The following PRPSAP2 variants were observed in gnomAD, a reference collection of about 807,000 sequenced individuals.
PRPSAP2 encodes phosphoribosyl pyrophosphate synthase-associated protein 2.
PRPSAP2 carries 24 observed loss-of-function variants against 40.6 expected under a neutral mutation model. The ratio of observed to expected loss-of-function variants is 0.59; its 90% CI spans 0.43 to 0.83. The LOEUF (loss-of-function observed/expected upper bound fraction) is 0.83, where lower values mean the gene tolerates loss of function less well. Ranked by LOEUF, PRPSAP2 falls within the 40% of genes least tolerant of loss-of-function variation. The pLI, the probability that PRPSAP2 is intolerant of heterozygous loss-of-function variation, is 0.00. For missense variants in PRPSAP2, 292 were observed against 465.6 expected, an observed-to-expected ratio of 0.63 and a Z score of 3.43; for synonymous variants, 149 against 164.7, an observed-to-expected ratio of 0.90 and a Z score of 0.73.
At chr17:18,908,562 G>T in intron 8 of PRPSAP2, 4 of 742,608 alleles carry the variant, frequency 5.4e-6, no homozygotes, top group Non-Finnish European at 1.0e-5. Flanking sequence ...CTGAAGATCT[G>T]TGCTAACCAC....
In PRPSAP2 at chr17:18,882,627, A is replaced by G. The variant is rs1555551384; in HGVS notation, c.472A>G (p.Ile158Val). The change falls in exon 7 of 12, where the codon ATT (isoleucine) becomes GTT (valine). Residue 158 changes from isoleucine (I) to valine (V), a missense_variant. By Grantham distance (29) the Ile-to-Val change is conservative. Transcript: ENST00000268835. ...GAAGGAAATTCAGGGCTTCTTCAAT[A>G]TTCCTGTTGACAATTTAAGAGCATC... ...HQKEIQGFFN[I>V]PVDNLRASPF... 4 of 1,605,426 alleles carry G rather than the reference A, an allele frequency of 2.5e-6. No homozygotes were observed. Among genetic ancestry groups the G allele is most frequent in the Non-Finnish European group, 2.6e-6 (3 of 1,172,138 alleles).
chr17:18,925,473 CTTGCTCAACACTGTTA>C (rs2041920257), intron 10 of PRPSAP2, among the ~76,000 whole-genome samples: 3 of 152,206 alleles, frequency 2.0e-5, no homozygotes, highest in Non-Finnish European at 4.4e-5. Flanking sequence ...TTGGGACTTT[CTTGCTCAACACTGTTA>C]TTGAAATTTA....
At chr17:18,917,601 T>TTA (rs2041437787) in intron 9 of PRPSAP2, 6 of 110,712 alleles carry the variant, frequency 5.4e-5, no homozygotes, top group Non-Finnish European at 5.7e-5. Flanking sequence ...TTTTTTTTTT[T>TTA]TTTTTTTTTT....
upstream of PRPSAP2, among the ~76,000 whole-genome samples, chr17:18,857,336 A>G (rs905943065): frequency 6.6e-6 from 1 of 151,680 alleles, no homozygotes; most frequent in African/African-American, 2.4e-5. Context: ...CTCCGTCTCA[A>G]AACAAAAAAC....
chr17:18,885,246 T>C (rs4924938), intron 7 of PRPSAP2, among the ~76,000 whole-genome samples: 79,854 of 151,072 alleles, frequency 0.53, 21,335 homozygotes, highest in Middle Eastern at 0.6. Flanking sequence ...ACAAAAAATA[T>C]AAAAATTAAC....
chr17:18,918,707 T>G (rs920710160), intron 9 of PRPSAP2, among the ~76,000 whole-genome samples: 4 of 152,150 alleles, frequency 2.6e-5, no homozygotes, highest in African/African-American at 7.2e-5. Flanking sequence ...GGAGGAGAGC[T>G]TGATCTCTTG....
At chr17:18,890,431 A>C (rs1415453660) in intron 8 of PRPSAP2, among the ~76,000 whole-genome samples, 2 of 152,148 alleles carry the variant, frequency 1.3e-5, no homozygotes, top group Non-Finnish European at 1.5e-5. Context: ...TGGCCTCCCA[A>C]GGTGCTGGGA....
chr17:18,867,872 C>A (rs1419166490), intron 4 of PRPSAP2, among the ~76,000 whole-genome samples: 2 of 152,158 alleles, frequency 1.3e-5, no homozygotes, highest in Non-Finnish European at 2.9e-5. Context: ...TGTGCTGGCT[C>A]ATGCATCTAA....
chr17:18,865,798 C>T lies in PRPSAP2; in HGVS notation c.-32-4C>T, dbSNP rs1395127064. On this transcript the variant is annotated splice_polypyrimidine_tract_variant and splice_region_variant and intron_variant, in intron 2 of 11. Transcript: ENST00000268835. The stretch of plus-strand genomic sequence containing the variant: ...AGTTTTTAATAAGTATTATATCCTT[C>T]TAGGCTCTGAAAATTGGAAAACCAA... The T allele has an allele frequency of 7.0e-7, 1 of 1,435,904 alleles. No individual in the cohort carries two copies. Among genetic ancestry groups the T allele is most frequent in the East Asian group, 2.5e-5 (1 of 39,260 alleles). The allele number at this position is 1,435,904 out of a possible 1,614,324, so 88.9% of individuals were successfully genotyped here.
chr17:18,858,877 TA>T (rs1189536259), intron 1 of PRPSAP2, among the ~76,000 whole-genome samples: 1 of 152,004 alleles, frequency 6.6e-6, no homozygotes, highest in Non-Finnish European at 1.5e-5. Context: ...CTCTAGTGTT[TA>T]AAAAATTTAA....
chr17:18,923,307 C>A (rs149505364), intron 9 of PRPSAP2, among the ~76,000 whole-genome samples: 1 of 147,484 alleles, frequency 6.8e-6, no homozygotes, highest in African/African-American at 2.5e-5. Flanking sequence ...AGGGTTTCAC[C>A]ATGTTAGCCA....
At chr17:18,917,603 T>A (rs1441820482) in intron 9 of PRPSAP2, 23 of 120,636 alleles carry the variant, frequency 1.9e-4, no homozygotes, top group South Asian at 1.5e-3. Context: ...TTTTTTTTTT[T>A]TTTTTTTTTT....
At chr17:18,871,076 G>A (rs112725043) in intron 4 of PRPSAP2, among the ~76,000 whole-genome samples, 8 of 151,996 alleles carry the variant, frequency 5.3e-5, no homozygotes, top group Non-Finnish European at 1.0e-4. Flanking sequence ...CTGGAGTGCA[G>A]TGGTGCGATC....
chr17:18,898,862 G>T (rs2040082680), intron 8 of PRPSAP2, among the ~76,000 whole-genome samples: 2 of 148,600 alleles, frequency 1.3e-5, no homozygotes, highest in African/African-American at 5.0e-5. Context: ...CTTTTTCTGG[G>T]ACTCTTATGA....
chr17:18,911,276 C>A lies in PRPSAP2; in HGVS notation c.733+25C>A. 6.3e-7 allele frequency: 1 copy of A among 1,581,772 alleles called. No individual in the cohort carries two copies. Among genetic ancestry groups the A allele is most frequent in the South Asian group, 1.1e-5 (1 of 88,142 alleles). On this transcript the variant is annotated intron_variant, in intron 9 of 11. Coordinates refer to ENST00000268835, the MANE Select transcript of PRPSAP2 (RefSeq NM_002767.4). The surrounding 1 kb of genome is among the most constrained non-coding windows in gnomAD (Gnocchi z 4.5). Reference sequence around the variant, plus strand: ...AGTAAGTGTGCTGCTGCCTCTTTCCCACTTTCCTCTGATTTTAAGGCTGAC... The same window carrying A: ...AGTAAGTGTGCTGCTGCCTCTTTCCAACTTTCCTCTGATTTTAAGGCTGAC...
chr17:18,923,256 A>ATTTTTTTTTTTTTTT (rs34975526), intron 9 of PRPSAP2, among the ~76,000 whole-genome samples: 2 of 105,396 alleles, frequency 1.9e-5, no homozygotes, highest in African/African-American at 7.5e-5. Flanking sequence ...CACTTGGCTA[A>ATTTTTTTTTTTTTTT]TTTTTTTTTT....
At chr17:18,868,508 T>C (rs1243419083) in intron 4 of PRPSAP2, among the ~76,000 whole-genome samples, 1 of 151,876 alleles carries the variant, frequency 6.6e-6, no homozygotes, top group Non-Finnish European at 1.5e-5. Context: ...AGAAATTATT[T>C]TAGCAGGAGC....
At chr17:18,923,053 T>G (rs67639335) in intron 9 of PRPSAP2, among the ~76,000 whole-genome samples, 12,438 of 150,380 alleles carry the variant, frequency 0.083, 583 homozygotes, top group Middle Eastern at 0.14. Flanking sequence ...TCTGTAGGGG[T>G]TTTTTTTACT....
At position 18,892,724 on chromosome 17, in the gene PRPSAP2, TG is replaced by T. The variant is rs1325543535; in HGVS notation, c.584+2848del. ...GTGTGTGTGTGTGTGTGTGTGTGTG[TG>T]TGTATTTATTTATTTATTTATTTTT... On this transcript the variant is annotated intron_variant, in intron 8 of 11. Transcript: ENST00000268835. Among the ~76,000 whole-genome samples the T allele has an allele frequency of 4.5e-3, 454 of 100,664 alleles. 7 individuals carry two copies. The highest frequency in any genetic ancestry group is 0.015 in the African/African-American group (401 of 26,452). 66.0% of individuals were successfully genotyped at this position (100,664 alleles called of 152,430 possible).
Sources: allele counts gnomAD v4.1 joint callset (sites outside exome capture counted in the v4.1 genomes callset), GRCh38; gene constraint gnomAD v4.1.1; non-coding constraint Gnocchi (gnomAD v3.1); transcripts MANE v1.5; gene names NCBI Gene and HGNC (gene_info 2026-07-23, HGNC 2026-07-21).